The following TNFRSF11A variants were observed in gnomAD, a reference collection of about 807,000 sequenced individuals.
TNFRSF11A encodes the protein tumor necrosis factor receptor superfamily member 11A.
A neutral mutation model predicts 55.7 loss-of-function variants in TNFRSF11A; 32 were observed. That is an observed-to-expected ratio of 0.57 (90% CI 0.43 to 0.77). TNFRSF11A has a LOEUF of 0.77. Ranked by LOEUF, TNFRSF11A falls within the 30% of genes least tolerant of loss-of-function variation. The probability of loss-of-function intolerance (pLI) is 0.00; values close to 1 mark genes in which losing one functional copy is unlikely to be tolerated. For missense variants in TNFRSF11A, 753 were observed against 809.8 expected (o/e 0.93, Z 0.85); for synonymous variants, 311 against 331.0 (o/e 0.94, Z 0.65).
chr18:62,336,407 C>T (rs564801831), intron 1 of TNFRSF11A: 41 of 152,348 alleles, frequency 2.7e-4, no homozygotes, highest in African/African-American at 8.4e-4. Flanking sequence ...ATGCTTCCTC[C>T]TTCCGTCACT....
intron 7 of TNFRSF11A, among the ~76,000 whole-genome samples, chr18:62,364,046 G>C (rs543377805): frequency 1.3e-5 from 2 of 152,318 alleles, no homozygotes; most frequent in South Asian, 4.1e-4. Context: ...CAGGGTAGGC[G>C]TTAAGCCCAC....
chr18:62,339,206 C>A (rs1416440516), intron 1 of TNFRSF11A, among the ~76,000 whole-genome samples: 1 of 152,104 alleles, frequency 6.6e-6, no homozygotes, highest in African/African-American at 2.4e-5. Context: ...CCGAAGCAGC[C>A]CCCACCTTTT....
chr18:62,382,553 C>A (rs1183949372), intron 9 of TNFRSF11A, among the ~76,000 whole-genome samples: 1 of 151,956 alleles, frequency 6.6e-6, no homozygotes, highest in Non-Finnish European at 1.5e-5. Context: ...TTCTTCCTTT[C>A]TCACTTCTCT....
intron 9 of TNFRSF11A, among the ~76,000 whole-genome samples, chr18:62,378,418 G>A (rs1911043831): frequency 6.6e-6 from 1 of 152,188 alleles, no homozygotes; most frequent in Non-Finnish European, 1.5e-5. Context: ...ACAGAAGTTG[G>A]TTAGATTTCC....
intron 9 of TNFRSF11A, among the ~76,000 whole-genome samples, chr18:62,377,324 A>G (rs1433711521): frequency 6.6e-6 from 1 of 152,206 alleles, no homozygotes; most frequent in Non-Finnish European, 1.5e-5. Flanking sequence ...AGTTTTGGCA[A>G]TTATGACTAC....
intron 1 of TNFRSF11A, among the ~76,000 whole-genome samples, chr18:62,337,978 TA>T (rs1389629537): frequency 2.0e-5 from 3 of 152,170 alleles, no homozygotes; most frequent in African/African-American, 7.2e-5. Flanking sequence ...AAAATTAAAT[TA>T]CCCTATGAAA....
At chr18:62,333,710 C>T (rs1390530476) in intron 1 of TNFRSF11A, among the ~76,000 whole-genome samples, 1 of 152,162 alleles carries the variant, frequency 6.6e-6, no homozygotes, top group Non-Finnish European at 1.5e-5. Context: ...GTATAGTCAA[C>T]TCTGTGATGG....
Position 62,369,192 on chromosome 18 carries a change from G to C in TNFRSF11A, c.1275G>C (p.Glu425Asp). Residue 425 changes from glutamate (E) to aspartate (D), a missense_variant, in exon 9 of 10, where the codon GAG (glutamate) becomes GAC (aspartate). Glu to Asp is a conservative substitution (Grantham distance 45). Transcript: ENST00000586569. ...CCTCTGAAAACTACTTGCAAAAAGAGGTGGACAGTGGCCATTGCCCGCACT... is the reference window on the plus strand; with the variant it reads ...CCTCTGAAAACTACTTGCAAAAAGACGTGGACAGTGGCCATTGCCCGCACT... ...PMSSENYLQK[E>D]VDSGHCPHWA... 6.2e-7 allele frequency: 1 copy of C among 1,614,068 alleles called. No individual in the cohort carries two copies. The highest frequency in any genetic ancestry group is 8.5e-7 in the Non-Finnish European group (1 of 1,180,054).
intron 1 of TNFRSF11A, among the ~76,000 whole-genome samples, chr18:62,328,817 T>C (rs947851474): frequency 6.6e-6 from 1 of 152,258 alleles, no homozygotes; most frequent in African/African-American, 2.4e-5. Context: ...TCCCCTGTTA[T>C]TTCCTTTCTA....
intron 9 of TNFRSF11A, among the ~76,000 whole-genome samples, chr18:62,371,442 G>A (rs1316160943): frequency 4.6e-5 from 7 of 152,164 alleles, no homozygotes; most frequent in Admixed American, 3.9e-4. Context: ...AGTCAAAACC[G>A]TAGCCTAGTC....
At chr18:62,350,244 G>A (rs758409245) in intron 3 of TNFRSF11A, among the ~76,000 whole-genome samples, 1 of 152,112 alleles carries the variant, frequency 6.6e-6, no homozygotes, top group South Asian at 2.1e-4. Context: ...CTGAAATCCT[G>A]TAGGTAGCCA....
At chr18:62,355,431 C>T (rs1805825042) in intron 4 of TNFRSF11A, among the ~76,000 whole-genome samples, 1 of 152,116 alleles carries the variant, frequency 6.6e-6, no homozygotes, top group Non-Finnish European at 1.5e-5. Context: ...GGATGCACCA[C>T]CACGCCTGGC....
chr18:62,331,237 A>G (rs1046584123), intron 1 of TNFRSF11A, among the ~76,000 whole-genome samples: 1 of 151,962 alleles, frequency 6.6e-6, no homozygotes, highest in Admixed American at 6.6e-5. Context: ...AAATAAATAA[A>G]TAAATAAATA....
rs1052725595 is a variant in TNFRSF11A, at chr18:62,391,193, GAGT to G, written c.*6166_*6168del. On this transcript the variant is annotated 3_prime_UTR_variant, in exon 10 of 10. Coordinates refer to ENST00000586569, the MANE Select transcript of TNFRSF11A (RefSeq NM_003839.4). ...ACACCAGTAGTTCCATTTTTTTTCT[GAGT>G]AGTAGTCCATTGTATGGATGTACTG... The G allele has an allele frequency of 5.9e-5, 9 of 152,186 alleles. No homozygotes were observed. The highest frequency in any genetic ancestry group is 2.2e-4 in the African/African-American group (9 of 41,514). The allele number at this position is 152,186 out of a possible 1,614,324, so 9.4% of individuals were successfully genotyped here. A position where few individuals can be genotyped will look rare whatever the true frequency, so the allele number is the denominator to read the frequency against.
Position 62,383,084 on chromosome 18 carries a change from G to C in TNFRSF11A, c.1568-1667G>C, listed in dbSNP as rs1360923423. 6.6e-6 allele frequency among the ~76,000 whole-genome samples: 1 copy of C among 152,118 alleles called. No homozygotes were observed. The highest frequency in any genetic ancestry group is 1.5e-5 in the Non-Finnish European group (1 of 68,014). On this transcript the variant is annotated intron_variant, in intron 9 of 9. Transcript: ENST00000586569. The surrounding 1 kb of genome is among the most constrained non-coding windows in gnomAD (Gnocchi z 4.2). ...GGGTGGAGAAGGTGCTGGGTAGGTG[G>C]TAAACAGGAATGCCAACGGGCCTCC...
chr18:62,344,350 A>AT (rs1434939248), intron 1 of TNFRSF11A, among the ~76,000 whole-genome samples: 1 of 152,210 alleles, frequency 6.6e-6, no homozygotes, highest in African/African-American at 2.4e-5. Flanking sequence ...AACTAGAAAA[A>AT]TCTCAGTAAA....
At chr18:62,366,808 A>C (rs1368246651) in intron 8 of TNFRSF11A, 48 bp downstream of exon 8, 1 of 1,583,428 alleles carries the variant, frequency 6.3e-7, no homozygotes, top group Non-Finnish European at 8.7e-7. Flanking sequence ...TTCAACAGTT[A>C]GGCTGGTAGA....
intron 7 of TNFRSF11A, among the ~76,000 whole-genome samples, chr18:62,364,046 G>A (rs543377805): frequency 6.6e-6 from 1 of 152,200 alleles, no homozygotes. Flanking sequence ...CAGGGTAGGC[G>A]TTAAGCCCAC....
chr18:62,361,787 C>T lies in TNFRSF11A; in HGVS notation c.724C>T (p.Leu242Phe), dbSNP rs1344245859. The T allele has an allele frequency of 1.9e-6, 3 of 1,613,608 alleles. No individual in the cohort carries two copies. Among genetic ancestry groups the T allele is most frequent in the South Asian group, 1.1e-5 (1 of 91,082 alleles). The change falls in exon 7 of 10, where the codon CTC becomes TTC. Residue 242 changes from leucine to phenylalanine, a missense_variant. Transcript: ENST00000586569. ...TTGCTATAGGAAAAAAGGGAAAGCA[C>T]TCACAGGTATTGTGTCTATGGTGGT... ...GVCYRKKGKA[L>F]TANLWHWINE...
Sources: allele counts gnomAD v4.1 joint callset (sites outside exome capture counted in the v4.1 genomes callset), GRCh38; gene constraint gnomAD v4.1.1; non-coding constraint Gnocchi (gnomAD v3.1); transcripts MANE v1.5; gene names NCBI Gene and HGNC (gene_info 2026-07-23, HGNC 2026-07-21).